PRR16: variants seen among roughly 807,000 people sequenced by gnomAD.
PRR16 encodes the protein proline rich 16, also known as protein Largen.
PRR16 carries 6 observed loss-of-function variants against 18.2 expected under a neutral mutation model. The ratio of observed to expected loss-of-function variants is 0.33; its 90% CI spans 0.18 to 0.65. PRR16 has a LOEUF of 0.65. PRR16 is among the 30% of genes least tolerant of loss of function. The pLI is 0.74. For synonymous variants in PRR16, 151 were observed against 147.8 expected, an observed-to-expected ratio of 1.02 and a Z score of -0.16; for missense variants, 412 against 376.6, an observed-to-expected ratio of 1.09 and a Z score of -0.78.
chr5:120,618,804 G>GATATTAACT (rs760599042), intron 1 of PRR16, among the ~76,000 whole-genome samples: 4 of 151,190 alleles, frequency 2.6e-5, no homozygotes, highest in Non-Finnish European at 4.4e-5. Context: ...ATACAACTCT[G>GATATTAACT]ATATTAACTT....
intron 1 of PRR16, among the ~76,000 whole-genome samples, chr5:120,519,041 C>T (rs990887322): frequency 7.2e-5 from 11 of 152,002 alleles, no homozygotes; most frequent in African/African-American, 2.2e-4. Flanking sequence ...AATAAGCCTA[C>T]GATTGAACCT....
chr5:120,766,670 C>A, the PRR16 span, among the ~76,000 whole-genome samples: 2 of 151,918 alleles, frequency 1.3e-5, no homozygotes, highest in African/African-American at 4.8e-5. Flanking sequence ...CAATATAGCA[C>A]AAGACCGTTA....
chr5:120,491,448 C>G (rs1750038751), intron 1 of PRR16, among the ~76,000 whole-genome samples: 1 of 88,908 alleles, frequency 1.1e-5, no homozygotes, highest in Non-Finnish European at 2.3e-5. Flanking sequence ...CCTTTCCTTT[C>G]CTTTCCTTTC....
chr5:120,700,858 C>T, the PRR16 span, among the ~76,000 whole-genome samples: 1 of 152,172 alleles, frequency 6.6e-6, no homozygotes, highest in Admixed American at 6.5e-5. Context: ...CAGTCTTCAG[C>T]CGCTAAGCCG....
At chr5:120,770,909 A>ATT in the PRR16 span, among the ~76,000 whole-genome samples, 2 of 136,656 alleles carry the variant, frequency 1.5e-5, no homozygotes, top group Non-Finnish European at 3.0e-5. Context: ...CTCTGTGAGT[A>ATT]TTTGACTCAT....
intron 1 of PRR16, among the ~76,000 whole-genome samples, chr5:120,541,226 A>T (rs1308974901): frequency 6.6e-6 from 1 of 152,158 alleles, no homozygotes; most frequent in African/African-American, 2.4e-5. Context: ...GGCTCACTGC[A>T]ACCTCTGCCT....
intron 1 of PRR16, among the ~76,000 whole-genome samples, chr5:120,480,367 T>C (rs1749571555): frequency 1.3e-5 from 2 of 152,238 alleles, no homozygotes; most frequent in African/African-American, 4.8e-5. Context: ...GTAGCTCAGG[T>C]AACCTAAGAT....
At chr5:120,534,063 T>A (rs1751636967) in intron 1 of PRR16, among the ~76,000 whole-genome samples, 1 of 152,134 alleles carries the variant, frequency 6.6e-6, no homozygotes. Flanking sequence ...AGTTCAGGTT[T>A]TAACGGGTGG....
At chr5:120,648,694 T>C (rs886905707) in intron 1 of PRR16, among the ~76,000 whole-genome samples, 4 of 152,104 alleles carry the variant, frequency 2.6e-5, no homozygotes, top group African/African-American at 9.7e-5. Flanking sequence ...GAGAGAGAAT[T>C]GATGGGAGGG....
chr5:120,697,781 C>T, the PRR16 span, among the ~76,000 whole-genome samples: 1 of 151,922 alleles, frequency 6.6e-6, no homozygotes, highest in Non-Finnish European at 1.5e-5. Flanking sequence ...CTTTTTGAGC[C>T]AGGATGAGCC....
At chr5:120,489,927 A>G (rs1379637714) in intron 1 of PRR16, among the ~76,000 whole-genome samples, 1 of 152,126 alleles carries the variant, frequency 6.6e-6, no homozygotes, top group Non-Finnish European at 1.5e-5. Flanking sequence ...GTTTGGCTGG[A>G]TATGAAATTC....
chr5:120,545,775 G>T (rs1173970533), intron 1 of PRR16, among the ~76,000 whole-genome samples: 1 of 151,840 alleles, frequency 6.6e-6, no homozygotes, highest in Non-Finnish European at 1.5e-5. Flanking sequence ...CCTTAGATTT[G>T]ATCTTTTTTT....
chr5:120,564,858 C>A (rs372367512), intron 1 of PRR16, among the ~76,000 whole-genome samples: 2 of 151,804 alleles, frequency 1.3e-5, no homozygotes, highest in African/African-American at 4.8e-5. Context: ...TGGTGGCGGG[C>A]GCCTGTAGTC....
chr5:120,668,685 A>G lies in PRR16; in HGVS notation c.160-17269A>G, dbSNP rs566914916. Among the ~76,000 whole-genome samples, 12 of 152,242 alleles carry G rather than the reference A, an allele frequency of 7.9e-5. No individual in the cohort carries two copies. In the East Asian group the frequency reaches 2.1e-3, roughly 27 times the overall value. Reference sequence around the variant, plus strand: ...AATCTCTCAGCATTTGCTTGTCTGTAAAGTATTTTATTTCTCCTTCACTTA... The same window carrying G: ...AATCTCTCAGCATTTGCTTGTCTGTGAAGTATTTTATTTCTCCTTCACTTA... On this transcript the variant is annotated intron_variant, in intron 1 of 1. Coordinates refer to ENST00000407149, the MANE Select transcript of PRR16 (RefSeq NM_001300783.2).
intron 1 of PRR16, among the ~76,000 whole-genome samples, chr5:120,680,769 T>G (rs931857923): frequency 1.4e-4 from 21 of 152,184 alleles, no homozygotes; most frequent in Non-Finnish European, 2.6e-4. Flanking sequence ...TTTTCTCAAG[T>G]TTGCATGACC....
the PRR16 span, among the ~76,000 whole-genome samples, chr5:120,705,566 A>G: frequency 6.6e-6 from 1 of 152,098 alleles, no homozygotes; most frequent in Non-Finnish European, 1.5e-5. Flanking sequence ...TAATCAGCTT[A>G]TATTTTCCAC....
In PRR16 at chr5:120,486,193, G is replaced by T. The variant is rs532016552; in HGVS notation, c.159+21548G>T. On this transcript the variant is annotated intron_variant, in intron 1 of 1. Coordinates refer to ENST00000407149, the MANE Select transcript of PRR16 (RefSeq NM_001300783.2). The stretch of plus-strand genomic sequence containing the variant: ...AAAGGGATTGCTGGGTCAAATGGTA[G>T]TTCTAGTTCTAGATCCCTGAAGAAT... Among the ~76,000 whole-genome samples the T allele has an allele frequency of 1.4e-3, 220 of 152,226 alleles. 2 individuals are homozygous for T. Among genetic ancestry groups the T allele is most frequent in the African/African-American group, 3.6e-3 (149 of 41,550 alleles).
At chr5:120,561,007 C>T (rs1395456249) in intron 1 of PRR16, among the ~76,000 whole-genome samples, 1 of 151,842 alleles carries the variant, frequency 6.6e-6, no homozygotes, top group Non-Finnish European at 1.5e-5. Context: ...TTTGTGTCTT[C>T]TCTCTTCATT....
At chr5:120,658,164 T>C (rs1756049046) in intron 1 of PRR16, 1 of 151,956 alleles carries the variant, frequency 6.6e-6, no homozygotes, top group Non-Finnish European at 1.5e-5. Context: ...TCTTGCACTT[T>C]TTTTTTCTGC....
Sources: gnomAD v4.1 joint callset for allele counts (sites outside exome capture counted in the v4.1 genomes callset) on GRCh38, gnomAD v4.1.1 for gene constraint, MANE v1.5 for transcripts, NCBI Gene and HGNC (gene_info 2026-07-23, HGNC 2026-07-21) for gene names.